Variants in RYR3 observed in about 807,000 individuals in gnomAD.
RYR3 encodes the protein brain ryanodine receptor-calcium release channel.
A neutral mutation model predicts 584.3 loss-of-function variants in RYR3; 207 were observed. The ratio of observed to expected loss-of-function variants is 0.35; its 90% CI spans 0.32 to 0.40. The LOEUF (loss-of-function observed/expected upper bound fraction) is 0.40, where lower values mean the gene tolerates loss of function less well. RYR3 is among the 10% of genes least tolerant of loss of function. The pLI is 1.00. For missense variants in RYR3, 5,616 were observed against 6,089.2 expected (o/e 0.92, Z 2.59); for synonymous variants, 2,416 against 2,248.5 (o/e 1.07, Z -2.11).
chr15:33,739,800 T>C (rs369575604), intron 50 of RYR3, 32 bp from the exon 51 acceptor site: 227 of 1,596,706 alleles, frequency 1.4e-4, no homozygotes, highest in Non-Finnish European at 1.8e-4. Flanking sequence ...TTCTGCTTTC[T>C]CTACTAATGT....
chr15:33,551,597 A>C (rs185926063), intron 10 of RYR3, among the ~76,000 whole-genome samples: 79 of 152,014 alleles, frequency 5.2e-4, no homozygotes, highest in Non-Finnish European at 1.0e-3. Context: ...GGCTTTTTTC[A>C]TATCTTTATT....
intron 1 of RYR3, among the ~76,000 whole-genome samples, chr15:33,388,893 C>T (rs560559805): frequency 5.3e-5 from 8 of 152,076 alleles, no homozygotes; most frequent in South Asian, 4.2e-4. Context: ...TCCTATAGAA[C>T]GGAGAATTAA....
chr15:33,429,916 G>C (rs1002179556), intron 1 of RYR3, among the ~76,000 whole-genome samples: 4 of 152,202 alleles, frequency 2.6e-5, no homozygotes, highest in Non-Finnish European at 5.9e-5. Flanking sequence ...ATAGCAGCAG[G>C]GGGAAAAAAG....
chr15:33,746,472 G>A (rs1484273903), intron 53 of RYR3, among the ~76,000 whole-genome samples: 1 of 152,176 alleles, frequency 6.6e-6, no homozygotes, highest in Non-Finnish European at 1.5e-5. Context: ...GTTAGGGCGG[G>A]GCAGGGAGAA....
intron 38 of RYR3, among the ~76,000 whole-genome samples, chr15:33,691,198 AT>A (rs2065401655): frequency 6.6e-6 from 1 of 152,222 alleles, no homozygotes; most frequent in Non-Finnish European, 1.5e-5. Context: ...GTAACAATTC[AT>A]TGGTCTATCT....
intron 1 of RYR3, among the ~76,000 whole-genome samples, chr15:33,427,140 C>T (rs1247390804): frequency 6.6e-6 from 1 of 152,074 alleles, no homozygotes; most frequent in Non-Finnish European, 1.5e-5. Flanking sequence ...ATACAGGGAT[C>T]CAGGAGGATA....
chr15:33,346,106 T>C (rs1972428221), intron 1 of RYR3, among the ~76,000 whole-genome samples: 1 of 152,208 alleles, frequency 6.6e-6, no homozygotes, highest in Non-Finnish European at 1.5e-5. Flanking sequence ...AAAACAATAA[T>C]ACTATACCAA....
At chr15:33,666,534 G>A (rs1596054971) in intron 36 of RYR3, among the ~76,000 whole-genome samples, 2 of 152,140 alleles carry the variant, frequency 1.3e-5, no homozygotes, top group South Asian at 4.1e-4. Flanking sequence ...GTCATCAAAG[G>A]ATATGGTGGA....
At chr15:33,722,462 G>A in intron 43 of RYR3, 7 of 506,976 alleles carry the variant, frequency 1.4e-5, no homozygotes, top group Non-Finnish European at 2.4e-5. Context: ...TTCTCCATCA[G>A]TGTCAACTCC....
chr15:33,634,626 C>A lies in RYR3; in HGVS notation c.3068C>A (p.Ala1023Glu), dbSNP rs2061418065. Residue 1023 changes from alanine to glutamate, a missense_variant, in exon 25 of 104, where the codon GCA becomes GAA. Coordinates refer to ENST00000634891, the MANE Select transcript of RYR3 (RefSeq NM_001036.6). ...NKRNPRLVPY[A>E]LLDERTKKSN... ...AGAAATCCCCGTCTGGTGCCATATG[C>A]ATTACTGGATGAGCGTACCAAGAAG... 6.2e-7 allele frequency: 1 copy of A among 1,613,828 alleles called. No homozygotes were observed. The highest frequency in any genetic ancestry group is 2.2e-5 in the East Asian group (1 of 44,872).
intron 16 of RYR3, among the ~76,000 whole-genome samples, chr15:33,600,358 A>G (rs988319885): frequency 2.0e-5 from 3 of 152,110 alleles, no homozygotes; most frequent in African/African-American, 2.4e-5. Context: ...TGTTGGCGCA[A>G]CCTGCCATAT....
chr15:33,406,517 T>A lies in RYR3; in HGVS notation c.52-66902T>A, dbSNP rs115393303. ...CAAGAACATTTACTCTGGAGAATATTTCAAAGATAACCTTTCAAGAGCTGA... is the reference window on the plus strand; with the variant it reads ...CAAGAACATTTACTCTGGAGAATATATCAAAGATAACCTTTCAAGAGCTGA... On this transcript the variant is annotated intron_variant, in intron 1 of 103. Transcript: ENST00000634891. 4.4e-3 allele frequency among the ~76,000 whole-genome samples: 663 copies of A among 152,336 alleles called. 6 individuals carry two copies. The highest frequency in any genetic ancestry group is 0.015 in the African/African-American group (631 of 41,582).
intron 70 of RYR3, among the ~76,000 whole-genome samples, chr15:33,808,468 T>C (rs1394065066): frequency 1.3e-5 from 2 of 152,224 alleles, no homozygotes; most frequent in Non-Finnish European, 2.9e-5. Flanking sequence ...GATTGTGTAA[T>C]CAAATCCACG....
chr15:33,570,101 A>G (rs893419629), intron 12 of RYR3, among the ~76,000 whole-genome samples: 4 of 152,122 alleles, frequency 2.6e-5, no homozygotes, highest in African/African-American at 9.7e-5. Flanking sequence ...TCAGTTTAAC[A>G]TATTTATGGA....
chr15:33,649,747 G>A (rs1035249182), intron 31 of RYR3, among the ~76,000 whole-genome samples: 1 of 152,174 alleles, frequency 6.6e-6, no homozygotes, highest in Non-Finnish European at 1.5e-5. Context: ...GGAAACTTTA[G>A]GGCAAGCGCG....
At chr15:33,346,165 G>A (rs1972437859) in intron 1 of RYR3, among the ~76,000 whole-genome samples, 1 of 152,208 alleles carries the variant, frequency 6.6e-6, no homozygotes, top group African/African-American at 2.4e-5. Context: ...GGTGACAGGT[G>A]ATTCTTGGAA....
At chr15:33,482,020 G>C (rs926042922) in intron 2 of RYR3, among the ~76,000 whole-genome samples, 2 of 151,890 alleles carry the variant, frequency 1.3e-5, no homozygotes, top group Non-Finnish European at 1.5e-5. Context: ...TAATGTATTT[G>C]CCATTTTCAG....
intron 43 of RYR3, among the ~76,000 whole-genome samples, chr15:33,710,100 G>A (rs901208927): frequency 1.3e-5 from 2 of 152,184 alleles, no homozygotes; most frequent in Admixed American, 6.5e-5. Flanking sequence ...GACTGTATTA[G>A]ACCATTCTTG....
chr15:33,652,884 G>T lies in RYR3; in HGVS notation c.4308+1G>T, dbSNP rs1200196916. 1.9e-6 allele frequency: 3 copies of T among 1,604,724 alleles called. No homozygotes were observed. Among genetic ancestry groups the T allele is most frequent in the Admixed American group, 3.5e-5 (2 of 57,878 alleles). On this transcript the variant is annotated splice_donor_variant, in intron 32 of 103. Transcript: ENST00000634891. LOFTEE classifies it high-confidence loss of function. ...AAAGGAACTGGGCACCTGCTACCAG[G>T]TAAGGGCGGCTTCTGGGGCCGAAAC...
Sources: allele counts gnomAD v4.1 joint callset (sites outside exome capture counted in the v4.1 genomes callset), GRCh38; gene constraint gnomAD v4.1.1; transcripts MANE v1.5; gene names NCBI Gene and HGNC (gene_info 2026-07-23, HGNC 2026-07-21).